The following SPPL2C variants were observed in gnomAD, a reference collection of about 807,000 sequenced individuals.
SPPL2C encodes signal peptide peptidase-like 2C.
A neutral mutation model predicts 38.8 loss-of-function variants in SPPL2C; 33 were observed. That is an observed-to-expected ratio of 0.85 (90% CI 0.64 to 1.14). The LOEUF (loss-of-function observed/expected upper bound fraction) is 1.14. SPPL2C is among the 50% of genes most tolerant of loss of function. The pLI, the probability that SPPL2C is intolerant of heterozygous loss-of-function variation, is 0.00. For missense variants in SPPL2C, 899 were observed against 904.4 expected (o/e 0.99, Z 0.08); for synonymous variants, 384 against 390.7 (o/e 0.98, Z 0.20).
In SPPL2C at chr17:45,845,188, C is replaced by T. The variant is rs2062524947; in HGVS notation, c.282C>T (p.Ala94=). 6.2e-7 allele frequency: 1 copy of T among 1,613,574 alleles called. No individual in the cohort carries two copies. The highest frequency in any genetic ancestry group is 2.2e-5 in the East Asian group (1 of 44,842). Residue 94 remains alanine, a synonymous_variant, in exon 1 of 1, where the codon GCC becomes GCT. Coordinates refer to ENST00000329196, the MANE Select transcript of SPPL2C (RefSeq NM_175882.3). The part of the protein sequence containing the change: ...PSQRPLRQTT[A]MVMRGNCSFH... ...AGCGGCCCCTCCGCCAGACCACTGCCATGGTCATGAGGGGTAACTGCAGCT... is the reference window on the plus strand; with the variant it reads ...AGCGGCCCCTCCGCCAGACCACTGCTATGGTCATGAGGGGTAACTGCAGCT...
chr17:45,846,057 C>G lies in SPPL2C; in HGVS notation c.1151C>G (p.Ala384Gly). Residue 384 changes from alanine (A) to glycine (G), a missense_variant, in exon 1 of 1, where the codon GCC becomes GGC. Transcript: ENST00000329196. Reference sequence around the variant, plus strand: ...TCCTCCTTCCTGCTGGCCCTGCTGGCCTTTGATGTCTTCTTTGTCTTCGTC... The same window carrying G: ...TCCTCCTTCCTGCTGGCCCTGCTGGGCTTTGATGTCTTCTTTGTCTTCGTC... The part of the protein sequence containing the change: ...NCSSFLLALL[A>G]FDVFFVFVTP... The G allele has an allele frequency of 6.2e-7, 1 of 1,614,194 alleles. No individual in the cohort carries two copies. Among genetic ancestry groups the G allele is most frequent in the Non-Finnish European group, 8.5e-7 (1 of 1,180,036 alleles).
In SPPL2C at chr17:45,846,993, G is replaced by T; in HGVS notation, c.*32G>T. On this transcript the variant is annotated 3_prime_UTR_variant, in exon 1 of 1. Coordinates refer to ENST00000329196, the MANE Select transcript of SPPL2C (RefSeq NM_175882.3). ...GGCACTGGGACACACGCCTCTCAAA[G>T]GGCTGGTGGAACATTGCAGAGCAAA... 1 of 1,513,466 alleles carries T rather than the reference G, an allele frequency of 6.6e-7. No individual in the cohort carries two copies. Among genetic ancestry groups the T allele is most frequent in the South Asian group, 1.3e-5 (1 of 77,960 alleles). 93.8% of individuals were successfully genotyped at this position (1,513,466 alleles called of 1,614,324 possible). A position where few individuals can be genotyped will look rare whatever the true frequency, so the allele number is the denominator to read the frequency against.
chr17:45,846,830 C>T lies in SPPL2C; in HGVS notation c.1924C>T (p.Pro642Ser), dbSNP rs1201342303. 2.5e-6 allele frequency: 4 copies of T among 1,613,902 alleles called. No individual in the cohort carries two copies. The highest frequency in any genetic ancestry group is 1.7e-5 in the Admixed American group (1 of 60,026). Residue 642 changes from proline to serine, a missense_variant, in exon 1 of 1, where the codon CCC becomes TCC. Transcript: ENST00000329196. The stretch of plus-strand genomic sequence containing the variant: ...GCTGATCCCACTCATGCCCCTGATG[C>T]CCCCGCCCTCAGAGCTGGGCCATGT... Reference protein sequence around the residue: ...AMLIPLMPLMPPPSELGHVHA... With the variant: ...AMLIPLMPLMSPPSELGHVHA...
chr17:45,845,896 G>T lies in SPPL2C; in HGVS notation c.990G>T (p.Leu330=), dbSNP rs767339204. The T allele has an allele frequency of 1.9e-6, 3 of 1,606,440 alleles. No individual in the cohort carries two copies. In the South Asian group the frequency reaches 3.3e-5, roughly 18 times the overall value. Residue 330 remains leucine, a synonymous_variant, in exon 1 of 1, where the codon CTG becomes CTT. Coordinates refer to ENST00000329196, the MANE Select transcript of SPPL2C (RefSeq NM_175882.3). ...TGCCTCTGCTGCTGCTGGCGAGCCT[G>T]TGCGCAACCGTGATCATCTTCTGGG... ...LPLPLLLLAS[L]CATVIIFWVA...
At position 45,846,083 on chromosome 17, in the gene SPPL2C, AC is replaced by A; in HGVS notation, c.1182del (p.Phe395SerfsTer35). 6.2e-7 allele frequency: 1 copy of A among 1,613,042 alleles called. No individual in the cohort carries two copies. Among genetic ancestry groups the A allele is most frequent in the Non-Finnish European group, 8.5e-7 (1 of 1,179,766 alleles). The part of the protein sequence containing the change: ...LAFDVFFVFV[T>X]PFFTKTGESI... ...CTTTGATGTCTTCTTTGTCTTCGTCACCCCCTTCTTCACCAAAACCGGTGAG... is the reference window on the plus strand; with the variant it reads ...CTTTGATGTCTTCTTTGTCTTCGTCACCCCTTCTTCACCAAAACCGGTGAG... On this transcript the variant is annotated frameshift_variant, in exon 1 of 1. Coordinates refer to ENST00000329196, the MANE Select transcript of SPPL2C (RefSeq NM_175882.3). LOFTEE classifies it high-confidence loss of function.
At position 45,847,001 on chromosome 17, in the gene SPPL2C, G is replaced by A; in HGVS notation, c.*40G>A. 1 of 1,506,968 alleles carries A rather than the reference G, an allele frequency of 6.6e-7. No homozygotes were observed. Among genetic ancestry groups the A allele is most frequent in the East Asian group, 2.3e-5 (1 of 43,948 alleles). 93.3% of individuals were successfully genotyped at this position (1,506,968 alleles called of 1,614,324 possible). On this transcript the variant is annotated 3_prime_UTR_variant, in exon 1 of 1. Transcript: ENST00000329196. ...GACACACGCCTCTCAAAGGGCTGGT[G>A]GAACATTGCAGAGCAAAGCCATGCA...
Position 45,845,176 on chromosome 17 carries a change from C to T in SPPL2C, c.270C>T (p.Arg90=). The change falls in exon 1 of 1, where the codon CGC becomes CGT. Residue 90 remains arginine, a synonymous_variant. Transcript: ENST00000329196. ...QLRSPSQRPL[R]QTTAMVMRGN... Reference sequence around the variant, plus strand: ...GCTCCCCCAGCCAGCGGCCCCTCCGCCAGACCACTGCCATGGTCATGAGGG... The same window carrying T: ...GCTCCCCCAGCCAGCGGCCCCTCCGTCAGACCACTGCCATGGTCATGAGGG... The T allele has an allele frequency of 6.2e-7, 1 of 1,613,038 alleles. No homozygotes were observed. Among genetic ancestry groups the T allele is most frequent in the Non-Finnish European group, 8.5e-7 (1 of 1,179,214 alleles).
rs2062522188 is a variant in SPPL2C, at chr17:45,845,013, A to G, written c.107A>G (p.Lys36Arg). 1.2e-6 allele frequency: 2 copies of G among 1,613,982 alleles called. No homozygotes were observed. The highest frequency in any genetic ancestry group is 1.7e-6 in the Non-Finnish European group (2 of 1,179,978). ...CACGTGGTGTCGGAGAATTGGAGCA[A>G]GGACTACTGTATCCTGTTCAGCTCC... ...VAHVVSENWS[K>R]DYCILFSSDY... The change falls in exon 1 of 1, where the codon AAG becomes AGG. Residue 36 changes from lysine (K) to arginine (R), a missense_variant. By Grantham distance (26) the Lys-to-Arg change is conservative. Transcript: ENST00000329196.
In SPPL2C at chr17:45,846,513, G is replaced by C; in HGVS notation, c.1607G>C (p.Gly536Ala). The change falls in exon 1 of 1, where the codon GGG becomes GCG. Residue 536 changes from glycine to alanine, a missense_variant. Transcript: ENST00000329196. ...WTGQGRAKMC[G>A]LGCAPSAGSR... ...GGCCAGGGCAGAGCTAAGATGTGTG[G>C]GCTCGGCTGTGCCCCTTCAGCTGGC... 1.2e-6 allele frequency: 2 copies of C among 1,612,686 alleles called. No homozygotes were observed. The highest frequency in any genetic ancestry group is 1.7e-6 in the Non-Finnish European group (2 of 1,180,026).
rs780325456 is a variant in SPPL2C, at chr17:45,846,929, A to G, written c.2023A>G (p.Arg675Gly). The G allele has an allele frequency of 1.3e-6, 2 of 1,578,870 alleles. No homozygotes were observed. Among genetic ancestry groups the G allele is most frequent in the African/African-American group, 2.7e-5 (2 of 74,082 alleles). ...CCACAAGAGGAAGGGTTTGAAAGTA[A>G]GAAAGAGCATGTCGACCCAGGCTCC... Reference protein sequence around the residue: ...GLHKRKGLKVRKSMSTQAPL With the variant: ...GLHKRKGLKVGKSMSTQAPL Residue 675 changes from arginine (R) to glycine (G), a missense_variant, in exon 1 of 1, where the codon AGA becomes GGA. By Grantham distance (125) the Arg-to-Gly change is moderately radical (BLOSUM62 -2). Coordinates refer to ENST00000329196, the MANE Select transcript of SPPL2C (RefSeq NM_175882.3).
In SPPL2C at chr17:45,847,029, G is replaced by A. The variant is rs931904962; in HGVS notation, c.*68G>A. On this transcript the variant is annotated 3_prime_UTR_variant, in exon 1 of 1. Transcript: ENST00000329196. Reference sequence around the variant, plus strand: ...ACATTGCAGAGCAAAGCCATGCATGGCAACAAGAAATCAGGGTATCAAAGA... The same window carrying A: ...ACATTGCAGAGCAAAGCCATGCATGACAACAAGAAATCAGGGTATCAAAGA... 4 of 1,456,204 alleles carry A rather than the reference G, an allele frequency of 2.7e-6. No homozygotes were observed. Among genetic ancestry groups the A allele is most frequent in the African/African-American group, 2.8e-5 (2 of 70,646 alleles). 90.2% of individuals were successfully genotyped at this position (1,456,204 alleles called of 1,614,324 possible).
At position 45,846,342 on chromosome 17, in the gene SPPL2C, C is replaced by T; in HGVS notation, c.1436C>T (p.Ala479Val). The change falls in exon 1 of 1, where the codon GCC (alanine) becomes GTC (valine). Residue 479 changes from alanine (A) to valine (V), a missense_variant. Ala to Val is a moderately conservative substitution (Grantham distance 64). Coordinates refer to ENST00000329196, the MANE Select transcript of SPPL2C (RefSeq NM_175882.3). ...RQIYFVACTV[A>V]YAVGLLVTFM... is the part of the protein sequence containing the mutation. The stretch of plus-strand genomic sequence containing the variant: ...ATCTACTTCGTGGCCTGCACCGTGG[C>T]CTATGCTGTGGGCCTGCTGGTCACA... 1 of 1,614,068 alleles carries T rather than the reference C, an allele frequency of 6.2e-7. No homozygotes were observed. The highest frequency in any genetic ancestry group is 2.2e-5 in the East Asian group (1 of 44,886).
In SPPL2C at chr17:45,845,629, G is replaced by T. The variant is rs1363777215; in HGVS notation, c.723G>T (p.Lys241Asn). The T allele has an allele frequency of 1.9e-6, 3 of 1,612,486 alleles. No individual in the cohort carries two copies. The highest frequency in any genetic ancestry group is 2.5e-6 in the Non-Finnish European group (3 of 1,179,544). The change falls in exon 1 of 1, where the codon AAG (lysine) becomes AAT (asparagine). Residue 241 changes from lysine to asparagine, a missense_variant. Transcript: ENST00000329196. The stretch of plus-strand genomic sequence containing the variant: ...CTGCAGCAGCTGAGGGAGCCCAGAA[G>T]GAAGATAATGAGGACATCCCAGTGG... ...QEAAAAEGAQ[K>N]EDNEDIPVDF...
chr17:45,846,536 G>A lies in SPPL2C; in HGVS notation c.1630G>A (p.Gly544Ser), dbSNP rs1355344135. Residue 544 changes from glycine to serine, a missense_variant, in exon 1 of 1, where the codon GGC becomes AGC. Gly to Ser is a moderately conservative substitution (Grantham distance 56, BLOSUM62 0). Coordinates refer to ENST00000329196, the MANE Select transcript of SPPL2C (RefSeq NM_175882.3). ...MCGLGCAPSA[G>S]SRQKQEGAAD... ...TGGGCTCGGCTGTGCCCCTTCAGCT[G>A]GCTCTAGGCAGAAGCAGGAGGGCGC... is the stretch of plus-strand genomic sequence containing the variant. 5.6e-6 allele frequency: 9 copies of A among 1,612,298 alleles called. No individual in the cohort carries two copies. Among genetic ancestry groups the A allele is most frequent in the Non-Finnish European group, 7.6e-6 (9 of 1,179,906 alleles).
Position 45,845,034 on chromosome 17 carries a change from G to C in SPPL2C, c.128G>C (p.Ser43Thr), listed in dbSNP as rs2062522580. ...NWSKDYCILFSSDYITLPRDL... is the reference protein window; with the variant it reads ...NWSKDYCILFTSDYITLPRDL... ...AGCAAGGACTACTGTATCCTGTTCA[G>C]CTCCGACTACATCACCCTCCCCCGG... The change falls in exon 1 of 1, where the codon AGC (serine) becomes ACC (threonine). Residue 43 changes from serine to threonine, a missense_variant. Ser to Thr is a moderately conservative substitution (Grantham distance 58). Coordinates refer to ENST00000329196, the MANE Select transcript of SPPL2C (RefSeq NM_175882.3). 1.2e-6 allele frequency: 2 copies of C among 1,614,090 alleles called. No homozygotes were observed. Among genetic ancestry groups the C allele is most frequent in the Non-Finnish European group, 1.7e-6 (2 of 1,179,996 alleles).
rs763208312 is a variant in SPPL2C at position 45,846,505 on chromosome 17, G to A, written c.1599G>A (p.Lys533=). The A allele has an allele frequency of 1.2e-6, 2 of 1,612,782 alleles. No homozygotes were observed. The highest frequency in any genetic ancestry group is 2.2e-5 in the East Asian group (1 of 44,888). Residue 533 remains lysine (K), a synonymous_variant, in exon 1 of 1, where the codon AAG becomes AAA. Transcript: ENST00000329196. ...TCTGGACTGGCCAGGGCAGAGCTAA[G>A]ATGTGTGGGCTCGGCTGTGCCCCTT... ...SLFWTGQGRA[K]MCGLGCAPSA...
rs2062535724 is a variant in SPPL2C at position 45,845,713 on chromosome 17, G to A, written c.807G>A (p.Leu269=). The change falls in exon 1 of 1, where the codon CTG becomes CTA. Residue 269 remains leucine (L), a synonymous_variant. Transcript: ENST00000329196. ...VVTLSCSLML[L]LYFFYDHFVY... is the part of the protein sequence containing the mutation. ...CCCTGTCCTGCTCGCTCATGCTGCT[G>A]CTCTACTTCTTCTATGACCACTTTG... 8 of 1,613,612 alleles carry A rather than the reference G, an allele frequency of 5.0e-6. No homozygotes were observed. Among genetic ancestry groups the A allele is most frequent in the African/African-American group, 1.3e-5 (1 of 74,942 alleles).
Position 45,845,330 on chromosome 17 carries a change from C to T in SPPL2C, c.424C>T (p.Pro142Ser), listed in dbSNP as rs371084905. Residue 142 changes from proline (P) to serine (S), a missense_variant, in exon 1 of 1, where the codon CCC (proline) becomes TCC (serine). Physicochemically the swap from Pro to Ser is moderately conservative, Grantham distance 74 (BLOSUM62 -1). Transcript: ENST00000329196. ...TTLAPQDPRQ[P>S]LADLTIPVAM... is the part of the protein sequence containing the mutation. Reference sequence around the variant, plus strand: ...CCTGGCACCCCAGGATCCCCGCCAGCCCCTGGCAGACCTCACCATCCCTGT... The same window carrying T: ...CCTGGCACCCCAGGATCCCCGCCAGTCCCTGGCAGACCTCACCATCCCTGT... 79 of 1,613,964 alleles carry T rather than the reference C, an allele frequency of 4.9e-5. No homozygotes were observed. The highest frequency in any genetic ancestry group is 5.9e-5 in the Non-Finnish European group (70 of 1,180,042).
rs967653621 is a variant in SPPL2C, at chr17:45,845,742, A to C, written c.836A>C (p.Tyr279Ser). ...LLYFFYDHFVYVTIGIFGLGA... is the reference protein window; with the variant it reads ...LLYFFYDHFVSVTIGIFGLGA... ...TACTTCTTCTATGACCACTTTGTCT[A>C]TGTCACCATTGGGATCTTTGGCCTG... The change falls in exon 1 of 1, where the codon TAT becomes TCT. Residue 279 changes from tyrosine (Y) to serine (S), a missense_variant. Physicochemically the swap from Tyr to Ser is moderately radical, Grantham distance 144. Transcript: ENST00000329196. 6.2e-7 allele frequency: 1 copy of C among 1,613,236 alleles called. No homozygotes were observed. The highest frequency in any genetic ancestry group is 8.5e-7 in the Non-Finnish European group (1 of 1,180,004).
Sources: allele counts gnomAD v4.1 joint callset, GRCh38; gene constraint gnomAD v4.1.1; transcripts MANE v1.5; gene names NCBI Gene and HGNC (gene_info 2026-07-23, HGNC 2026-07-21).